The following MTMR1 variants were observed in gnomAD, a reference collection of about 807,000 sequenced individuals.
The protein encoded by MTMR1 is phosphatidylinositol-3-phosphate phosphatase MTMR1.
Under a neutral mutation model 51.6 loss-of-function variants are expected in MTMR1, and 17 were observed. That is an observed-to-expected ratio of 0.33 (90% CI 0.23 to 0.49). MTMR1 has a LOEUF of 0.49. MTMR1 is among the 20% of genes least tolerant of loss of function. The probability of loss-of-function intolerance (pLI) is 0.99; values close to 1 mark genes in which losing one functional copy is unlikely to be tolerated. For synonymous variants in MTMR1, 201 were observed against 205.6 expected, an observed-to-expected ratio of 0.98 and a Z score of 0.19; for missense variants, 386 against 526.9, an observed-to-expected ratio of 0.73 and a Z score of 2.62.
intron 12 of MTMR1, among the ~76,000 whole-genome samples, chrX:150,742,834 AAAAG>A (rs58279512): frequency 7.9e-5 from 8 of 101,885 alleles, no homozygotes; most frequent in East Asian, 5.9e-4. Context: ...AAAAAAAAAA[AAAAG>A]AAAGAAAGAA....
At chrX:150,731,229 C>G (rs948149708) in intron 8 of MTMR1, among the ~76,000 whole-genome samples, 1 of 111,822 alleles carries the variant, frequency 8.9e-6, no homozygotes, top group Non-Finnish European at 1.9e-5. Flanking sequence ...GTGATTCTAG[C>G]GTATAATTTT....
At chrX:150,721,523 G>A (rs1214454644) in intron 4 of MTMR1, among the ~76,000 whole-genome samples, 1 of 111,343 alleles carries the variant, frequency 9.0e-6, no homozygotes, top group Non-Finnish European at 1.9e-5. Flanking sequence ...GTCTTTCCAG[G>A]ATTTTGTCCA....
intron 4 of MTMR1, among the ~76,000 whole-genome samples, chrX:150,724,287 G>A (rs1331376360): frequency 9.1e-6 from 1 of 109,473 alleles, no homozygotes; most frequent in East Asian, 2.8e-4. Context: ...CATTCTGATT[G>A]GTGTGAGATG....
At chrX:150,728,035 C>T (rs1426982040) in intron 6 of MTMR1, among the ~76,000 whole-genome samples, 1 of 111,669 alleles carries the variant, frequency 9.0e-6, no homozygotes, top group Non-Finnish European at 1.9e-5. Flanking sequence ...GATTCCAGGA[C>T]CTCTGCCTCA....
chrX:150,731,920 C>A (rs2042129393), intron 9 of MTMR1, among the ~76,000 whole-genome samples: 1 of 111,832 alleles, frequency 8.9e-6, no homozygotes, highest in Non-Finnish European at 1.9e-5. Context: ...ATTGTATTAC[C>A]AGTTGGCATT....
At position 150,755,802 on chromosome X, in the gene MTMR1, T is replaced by G. The variant is rs1557417737; in HGVS notation, c.1794T>G (p.Ser598Arg). The G allele has an allele frequency of 2.5e-6, 3 of 1,207,375 alleles. No individual in the cohort carries two copies. The South Asian group carries it at 5.4e-5, about 22-fold the overall frequency. Residue 598 changes from serine to arginine, a missense_variant, in exon 15 of 16, where the codon AGT becomes AGG. Physicochemically the swap from Ser to Arg is moderately radical, Grantham distance 110. Transcript: ENST00000445323. ...ACCACGTGTTATATCCTGTTGCTAGTCTGAGTCATTTGGAATTGTGGGTAA... is the reference window on the plus strand; with the variant it reads ...ACCACGTGTTATATCCTGTTGCTAGGCTGAGTCATTTGGAATTGTGGGTAA... ...YENHVLYPVA[S>R]LSHLELWVNY...
At chrX:150,738,284 C>T (rs1039414843) in intron 12 of MTMR1, among the ~76,000 whole-genome samples, 7 of 112,042 alleles carry the variant, frequency 6.2e-5, no homozygotes, top group Non-Finnish European at 1.3e-4. Flanking sequence ...TTTCAAGGTT[C>T]ATCCATGTTG....
At chrX:150,729,217 C>CT (rs1557416882) in intron 6 of MTMR1, among the ~76,000 whole-genome samples, 1 of 73,641 alleles carries the variant, frequency 1.4e-5, no homozygotes, top group Non-Finnish European at 3.1e-5. Context: ...GACACACCCA[C>CT]CCACACACAC....
chrX:150,750,445 GA>G (rs1401658377), intron 13 of MTMR1, among the ~76,000 whole-genome samples: 1 of 111,795 alleles, frequency 8.9e-6, no homozygotes, highest in Non-Finnish European at 1.9e-5. Context: ...GTTTCTGACA[GA>G]AGGGTGAGTC....
intron 10 of MTMR1, among the ~76,000 whole-genome samples, chrX:150,734,736 T>G (rs2042216032): frequency 1.8e-5 from 2 of 112,687 alleles, no homozygotes; most frequent in South Asian, 7.3e-4. Context: ...GTTCTTTATA[T>G]ATAAGATTAT....
At chrX:150,693,123 C>T (rs1298743764), upstream of MTMR1, 1 of 112,566 alleles carries the variant, frequency 8.9e-6, no homozygotes, top group Non-Finnish European at 1.9e-5. Flanking sequence ...TTACACCCCA[C>T]GTCTCTGCAG....
At chrX:150,761,007 G>C (rs894040823) in intron 15 of MTMR1, among the ~76,000 whole-genome samples, 1 of 110,918 alleles carries the variant, frequency 9.0e-6, no homozygotes, top group Non-Finnish European at 1.9e-5. Flanking sequence ...GATGATAGTG[G>C]TGCGTTTGAG....
intron 1 of MTMR1, among the ~76,000 whole-genome samples, chrX:150,698,582 A>G (rs1417879211): frequency 1.8e-5 from 2 of 110,153 alleles, no homozygotes; most frequent in African/African-American, 6.6e-5. Flanking sequence ...CATGCCTGTA[A>G]TCCTAGCACT....
chrX:150,710,067 G>A (rs1440433801), intron 2 of MTMR1, among the ~76,000 whole-genome samples: 6 of 112,295 alleles, frequency 5.3e-5, no homozygotes, highest in Admixed American at 3.8e-4. Flanking sequence ...AGAGGTGGAG[G>A]AAGGGTTAGT....
intron 15 of MTMR1, among the ~76,000 whole-genome samples, chrX:150,758,346 C>G (rs73250571): frequency 0.087 from 9,720 of 111,280 alleles, 577 homozygotes; most frequent in African/African-American, 0.2. Context: ...CCACGCTCCA[C>G]CTTCCTCCAG....
intron 4 of MTMR1, among the ~76,000 whole-genome samples, chrX:150,719,679 G>A (rs183092390): frequency 2.2e-3 from 247 of 112,237 alleles, no homozygotes; most frequent in African/African-American, 7.7e-3. Context: ...GGCGTAAAAT[G>A]TAAAATGTGA....
intron 6 of MTMR1, among the ~76,000 whole-genome samples, chrX:150,728,681 G>A (rs1557416860): frequency 9.0e-6 from 1 of 110,693 alleles, no homozygotes; most frequent in Non-Finnish European, 1.9e-5. Flanking sequence ...TTTATTCCCA[G>A]TGACTTGACT....
intron 13 of MTMR1, among the ~76,000 whole-genome samples, chrX:150,746,966 A>G (rs1452513645): frequency 6.2e-5 from 7 of 112,265 alleles, no homozygotes; most frequent in East Asian, 2.8e-4. Context: ...TAAGTAAGCT[A>G]TGCAGTGTAA....
chrX:150,736,692 G>A lies in MTMR1; in HGVS notation c.1178G>A (p.Arg393His). 3 of 1,211,577 alleles carry A rather than the reference G, an allele frequency of 2.5e-6. No homozygotes were observed. The highest frequency in any genetic ancestry group is 1.1e-6 in the Non-Finnish European group (1 of 895,267). Residue 393 changes from arginine (R) to histidine (H), a missense_variant, in exon 11 of 16, where the codon CGC becomes CAC. By Grantham distance (29) the Arg-to-His change is conservative (BLOSUM62 0). Transcript: ENST00000445323. Reference sequence around the variant, plus strand: ...ATTCATGTCATGCGAGAGTCACTACGCAAATTAAAAGAGATTGTGTACCCT... The same window carrying A: ...ATTCATGTCATGCGAGAGTCACTACACAAATTAAAAGAGATTGTGTACCCT... Reference protein sequence around the residue: ...HNIHVMRESLRKLKEIVYPSI... With the variant: ...HNIHVMRESLHKLKEIVYPSI...
Sources: allele counts gnomAD v4.1 joint callset (sites outside exome capture counted in the v4.1 genomes callset), GRCh38; gene constraint gnomAD v4.1.1; transcripts MANE v1.5; gene names NCBI Gene and HGNC (gene_info 2026-07-23, HGNC 2026-07-21).